HLA-DQB1: variants seen among roughly 807,000 people sequenced by gnomAD.
The protein encoded by HLA-DQB1 is HLA class II histocompatibility antigen, DQ beta 1 chain.
HLA-DQB1 carries 13 observed loss-of-function variants against 26.4 expected under a neutral mutation model. The ratio of observed to expected loss-of-function variants is 0.49; its 90% confidence interval spans 0.32 to 0.78. HLA-DQB1 has a LOEUF of 0.78. Among genes scored for constraint, HLA-DQB1 ranks in the 30% least tolerant of loss-of-function variants. The pLI is 0.03. For synonymous variants in HLA-DQB1, 60 were observed against 129.1 expected, an observed-to-expected ratio of 0.46 and a Z score of 3.63; for missense variants, 158 against 326.2, an observed-to-expected ratio of 0.48 and a Z score of 3.97.
exon 1 of HLA-DQB1, chr6:32,666,632 G>C: frequency 1.2e-6 from 1 of 861,436 alleles, no homozygotes; most frequent in Non-Finnish European, 1.9e-6. Flanking sequence ...GAAAAGCAGT[G>C]GTAGTCAACA....
intron 1 of HLA-DQB1, 45 bp downstream of exon 1, chr6:32,666,454 T>C (rs281860885): frequency 1.4e-6 from 1 of 720,428 alleles, no homozygotes; most frequent in Non-Finnish European, 2.3e-6. Flanking sequence ...AAGGAGAGCC[T>C]GTTCCCAGAG....
At chr6:32,662,288 A>C (rs281864071) in intron 2 of HLA-DQB1, 40 bp from the exon 3 acceptor site, 1 of 984,988 alleles carries the variant, frequency 1.0e-6, no homozygotes, top group African/African-American at 2.1e-5. Context: ...TAGGAGTGAG[A>C]TGTGAGAACA....
chr6:32,660,991 T>C (rs1373039556), intron 4 of HLA-DQB1: 3 of 677,492 alleles, frequency 4.4e-6, no homozygotes, highest in South Asian at 1.7e-5. Flanking sequence ...TTCCCACCCA[T>C]GTTCTTCCAG....
Position 32,665,515 on chromosome 6 carries a change from A to G in HLA-DQB1, c.110-448T>C, listed in dbSNP as rs281861667. ...AGCCTGGCCTCGTTCTGACACGCGT[A>G]TTCTCTTGGTCCCTGGGTAAAATAC... On this transcript the variant is annotated intron_variant, in intron 1 of 4. Transcript: ENST00000434651. Among the ~76,000 whole-genome samples the G allele has an allele frequency of 4.0e-5, 5 of 125,876 alleles. 1 individual carries two copies. The highest frequency in any genetic ancestry group is 2.5e-4 in the South Asian group (1 of 3,980). The allele number at this position is 125,876 out of a possible 152,430, so 82.6% of individuals were successfully genotyped here. A position where few individuals can be genotyped will look rare whatever the true frequency, so the allele number is the denominator to read the frequency against.
In HLA-DQB1 at chr6:32,660,157, G is replaced by A. The variant is rs9273463; in HGVS notation, c.*79C>T. ...ATCTCAGGGGGACAAGCTGACACAG[G>A]CAGCTGGGAATTCTGGGCAGGCATA... On this transcript the variant is annotated 3_prime_UTR_variant, in exon 5 of 5. Coordinates refer to ENST00000434651, the Ensembl canonical transcript of HLA-DQB1. 431 of 653,770 alleles carry A rather than the reference G, an allele frequency of 6.6e-4. 43 individuals carry two copies. The highest frequency in any genetic ancestry group is 1.1e-3 in the Middle Eastern group (3 of 2,682). 40.5% of individuals were successfully genotyped at this position (653,770 alleles called of 1,614,324 possible).
intron 2 of HLA-DQB1, 140 bp downstream of exon 2, chr6:32,664,658 A>ACCCC: frequency 3.7e-5 from 6 of 163,990 alleles, no homozygotes; most frequent in South Asian, 2.0e-4. Flanking sequence ...TGCCCCCACC[A>ACCCC]CCCCGCCGCC....
At chr6:32,666,412 C>A (rs9274511) in intron 1 of HLA-DQB1, 87 bp downstream of exon 1, 72,851 of 490,696 alleles carry the variant, frequency 0.15, 9,017 homozygotes, top group Middle Eastern at 0.26. Flanking sequence ...TGTCCAAGAT[C>A]ATAGAGATCA....
At chr6:32,664,568 G>C (rs281862257) in intron 2 of HLA-DQB1, 53,455 of 244,284 alleles carry the variant, frequency 0.22, 15,606 homozygotes, top group African/African-American at 0.28. Context: ...GGACGGGGAG[G>C]CTGGGGGGGA....
chr6:32,664,429 G>A (rs28746779), intron 2 of HLA-DQB1: 1 of 116,588 alleles, frequency 8.6e-6, no homozygotes, highest in Admixed American at 1.4e-4. Context: ...CAGTGCTAGC[G>A]AGGCCGGCGG....
intron 4 of HLA-DQB1, chr6:32,660,732 C>T: frequency 3.8e-6 from 2 of 527,802 alleles, no homozygotes; most frequent in Non-Finnish European, 3.4e-6. Flanking sequence ...AACTTCTCCC[C>T]TAAGTCTTGA....
intron 2 of HLA-DQB1, chr6:32,663,426 CAG>C (rs1783412652): frequency 7.9e-6 from 1 of 126,116 alleles, no homozygotes. Context: ...CATTAACACA[CAG>C]AACAAACAGG....
At chr6:32,660,030 A>T (rs1049122) in exon 5 of HLA-DQB1, 70,061 of 322,784 alleles carry the variant, frequency 0.22, 12,249 homozygotes, top group South Asian at 0.26. Context: ...GCACAGGCAG[A>T]GGCTCTGGGT....
At chr6:32,665,302 C>T (rs281861858) in intron 1 of HLA-DQB1, among the ~76,000 whole-genome samples, 5 of 95,908 alleles carry the variant, frequency 5.2e-5, no homozygotes, top group Admixed American at 2.3e-4. Flanking sequence ...AAGCCCTGTC[C>T]CTGCCTGAGC....
At chr6:32,665,909 T>G (rs115319192) in intron 1 of HLA-DQB1, among the ~76,000 whole-genome samples, 3,238 of 93,614 alleles carry the variant, frequency 0.035, 87 homozygotes, top group South Asian at 0.11. Flanking sequence ...CAGTCCACCA[T>G]TAACTCGGGT....
At chr6:32,662,034 C>T in exon 3 of HLA-DQB1, 1 of 1,494,806 alleles carries the variant, frequency 6.7e-7, no homozygotes, top group South Asian at 1.1e-5. Flanking sequence ...CATCTCCACG[C>T]TGGGGAGTCA....
At chr6:32,661,372 A>G (rs9273630) in exon 4 of HLA-DQB1, 3 of 1,303,376 alleles carry the variant, frequency 2.3e-6, no homozygotes, top group Non-Finnish European at 3.2e-6. Context: ...GACGGATGAT[A>G]AGGCCCAGCC....
chr6:32,661,119 CAAT>C (rs71665413), intron 4 of HLA-DQB1, among the ~76,000 whole-genome samples: 2,941 of 123,506 alleles, frequency 0.024, 135 homozygotes, highest in Admixed American at 0.039. Context: ...GCCAGTGAGA[CAAT>C]GATGAATGGT....
intron 1 of HLA-DQB1, among the ~76,000 whole-genome samples, chr6:32,666,060 A>C (rs9274486): frequency 0.68 from 65,249 of 96,472 alleles, 23,067 homozygotes; most frequent in Middle Eastern, 0.82. Flanking sequence ...ATAGAGACAA[A>C]TTTTCCTCAA....
exon 4 of HLA-DQB1, chr6:32,661,377 C>T (rs1454943535): frequency 1.5e-6 from 2 of 1,291,314 alleles, no homozygotes; most frequent in African/African-American, 3.0e-5. Flanking sequence ...ATGATAAGGC[C>T]CAGCCCAAGG....
Sources: gnomAD v4.1 joint callset for allele counts (sites outside exome capture counted in the v4.1 genomes callset) on GRCh38, gnomAD v4.1.1 for gene constraint, MANE v1.5 for transcripts, NCBI Gene and HGNC (gene_info 2026-07-23, HGNC 2026-07-21) for gene names.